Variants in GRIN2D observed in about 807,000 individuals in gnomAD.
The protein encoded by GRIN2D is glutamate ionotropic receptor NMDA type subunit 2D, also known as glutamate receptor ionotropic, NMDA 2D.
GRIN2D carries 37 observed loss-of-function variants against 103.2 expected under a neutral mutation model. The ratio of observed to expected loss-of-function variants is 0.36; its 90% confidence interval spans 0.28 to 0.47. The LOEUF (loss-of-function observed/expected upper bound fraction) is 0.47. Ranked by LOEUF, GRIN2D falls within the 20% of genes least tolerant of loss-of-function variation. The pLI is 1.00. For missense variants in GRIN2D, 1,557 were observed against 1,910.6 expected (o/e 0.81, Z 3.45); for synonymous variants, 845 against 885.6 (o/e 0.95, Z 0.81).
intron 11 of GRIN2D, among the ~76,000 whole-genome samples, chr19:48,428,193 C>T (rs1303140023): frequency 1.5e-4 from 23 of 151,664 alleles, no homozygotes; most frequent in African/African-American, 4.1e-4. Context: ...TCCGCCACCA[C>T]GCCTGGCTAA....
intron 11 of GRIN2D, among the ~76,000 whole-genome samples, chr19:48,424,679 C>T (rs758609821): frequency 5.3e-5 from 8 of 152,108 alleles, no homozygotes; most frequent in Non-Finnish European, 7.4e-5. Context: ...TTTCCCCACA[C>T]GCTGTCTTTG....
chr19:48,427,875 T>G (rs1397794659), intron 11 of GRIN2D, among the ~76,000 whole-genome samples: 4 of 152,144 alleles, frequency 2.6e-5, no homozygotes, highest in Non-Finnish European at 4.4e-5. Flanking sequence ...AAAAAATTAA[T>G]CAAATCAATG....
chr19:48,429,750 G>T (rs150434412), intron 11 of GRIN2D, among the ~76,000 whole-genome samples: 71 of 149,774 alleles, frequency 4.7e-4, no homozygotes, highest in African/African-American at 1.8e-3. Flanking sequence ...TAGAGATGGG[G>T]TTCTCACTAT....
chr19:48,422,820 A>T (rs1971039698), intron 11 of GRIN2D, among the ~76,000 whole-genome samples: 1 of 152,062 alleles, frequency 6.6e-6, no homozygotes, highest in Non-Finnish European at 1.5e-5. Flanking sequence ...GGCCAGGCGC[A>T]GTAGCTCACG....
rs534824768 is a variant in GRIN2D, at chr19:48,407,664, T to C, written c.1085+2311T>C. Among the ~76,000 whole-genome samples the C allele has an allele frequency of 1.4e-3, 219 of 152,282 alleles. 2 individuals carry two copies. The highest frequency in any genetic ancestry group is 2.6e-3 in the Non-Finnish European group (177 of 68,030). On this transcript the variant is annotated intron_variant, in intron 4 of 13. Transcript: ENST00000263269. The stretch of plus-strand genomic sequence containing the variant: ...AAGTCTGCTATGTGCCAAGCATTGC[T>C]TTAGGCACAGGGTGTATATAGTGTT...
At position 48,404,629 on chromosome 19, in the gene GRIN2D, C is replaced by T. The variant is rs1970759884; in HGVS notation, c.466-105C>T. On this transcript the variant is annotated intron_variant, in intron 3 of 13. Transcript: ENST00000263269. The stretch of plus-strand genomic sequence containing the variant: ...GGAAAAGGAGATGGGTTTAGTGAAC[C>T]TGTCGAGTCAGTCTGCCATATTGGG... 5 of 1,146,556 alleles carry T rather than the reference C, an allele frequency of 4.4e-6. No individual in the cohort carries two copies. The Admixed American group carries it at 1.3e-4, about 29-fold the overall frequency. The allele number at this position is 1,146,556 out of a possible 1,614,324, so 71.0% of individuals were successfully genotyped here.
At position 48,442,348 on chromosome 19, in the gene GRIN2D, C is replaced by T. The variant is rs1569074559; in HGVS notation, c.2639C>T (p.Thr880Ile). Residue 880 changes from threonine (T) to isoleucine (I), a missense_variant, in exon 13 of 14, where the codon ACC becomes ATC. Thr to Ile is a moderately conservative substitution (Grantham distance 89, BLOSUM62 -1). Transcript: ENST00000263269. The surrounding 1 kb of genome is among the most constrained non-coding windows in gnomAD (Gnocchi z 7.2). ...CGCCTGCGGCACTGCCTGGGGCCCA[C>T]CCACCGCATGGACTTCCTGCTGGCC... ...YWRLRHCLGP[T>I]HRMDFLLAFS... 6.2e-7 allele frequency: 1 copy of T among 1,613,162 alleles called. No homozygotes were observed. The highest frequency in any genetic ancestry group is 1.1e-5 in the South Asian group (1 of 91,068).
chr19:48,406,005 C>T (rs1449058655), intron 4 of GRIN2D, among the ~76,000 whole-genome samples: 1 of 152,170 alleles, frequency 6.6e-6, no homozygotes, highest in Non-Finnish European at 1.5e-5. Flanking sequence ...AAGGACACGC[C>T]TCATACCTTA....
intron 3 of GRIN2D, among the ~76,000 whole-genome samples, chr19:48,403,198 CAAAAAAAAAA>C (rs145115482): frequency 1.1e-5 from 1 of 91,318 alleles, no homozygotes. Context: ...GACTCTGTCT[CAAAAAAAAAA>C]AAAAAAAAAA....
intron 4 of GRIN2D, among the ~76,000 whole-genome samples, chr19:48,412,962 C>A (rs1333788798): frequency 7.1e-6 from 1 of 141,144 alleles, no homozygotes; most frequent in African/African-American, 2.6e-5. Context: ...ATGGTGAAAC[C>A]CCATCTCTAC....
intron 11 of GRIN2D, among the ~76,000 whole-genome samples, chr19:48,438,588 G>A (rs943626797): frequency 2.0e-5 from 3 of 151,402 alleles, no homozygotes; most frequent in Non-Finnish European, 4.4e-5. Flanking sequence ...ATTAGCCACC[G>A]TGCCCGGCCT....
intron 11 of GRIN2D, among the ~76,000 whole-genome samples, chr19:48,428,493 G>C (rs2147463828): frequency 6.6e-6 from 1 of 151,896 alleles, no homozygotes; most frequent in South Asian, 2.1e-4. Context: ...CCCTCCTGTA[G>C]CTGAGATTAC....
chr19:48,409,763 A>G (rs1168305215), intron 4 of GRIN2D, among the ~76,000 whole-genome samples: 2 of 151,966 alleles, frequency 1.3e-5, no homozygotes, highest in Admixed American at 6.6e-5. Flanking sequence ...GCCAGGGGGC[A>G]GGGGTTTGGA....
chr19:48,441,382 A>G (rs1799267), intron 11 of GRIN2D, among the ~76,000 whole-genome samples: 73,248 of 105,652 alleles, frequency 0.69, 27,130 homozygotes, highest in Non-Finnish European at 0.81. Context: ...AAAAAAAAAA[A>G]AAAGAAAGAA....
chr19:48,398,508 G>A lies in GRIN2D; in HGVS notation c.116G>A (p.Gly39Asp). ...GAGGCGCCGGGGCCGGGCGGGGCCGGTGGGCCCGGCGGCGGCCTCGGCGGG... is the reference window on the plus strand; with the variant it reads ...GAGGCGCCGGGGCCGGGCGGGGCCGATGGGCCCGGCGGCGGCCTCGGCGGG... ...PEEAPGPGGA[G>D]GPGGGLGGAR... Residue 39 changes from glycine (G) to aspartate (D), a missense_variant, in exon 3 of 14, where the codon GGT (glycine) becomes GAT (aspartate). Gly to Asp is a moderately conservative substitution (Grantham distance 94, BLOSUM62 -1). Transcript: ENST00000263269. 4.9e-6 allele frequency: 5 copies of A among 1,012,352 alleles called. No homozygotes were observed. The highest frequency in any genetic ancestry group is 5.9e-6 in the Non-Finnish European group (5 of 849,628). 62.7% of individuals were successfully genotyped at this position (1,012,352 alleles called of 1,614,324 possible).
chr19:48,408,833 A>T (rs538501654), intron 4 of GRIN2D, among the ~76,000 whole-genome samples: 1 of 150,706 alleles, frequency 6.6e-6, no homozygotes, highest in Non-Finnish European at 1.5e-5. Context: ...AAAAAAAAAA[A>T]AGAGAGAAAG....
chr19:48,443,991 G>T lies in GRIN2D; in HGVS notation c.*54G>T. ...TGGTCAGCGCAGGCCACGGCCCGAG[G>T]GGGCGCCCGCAGTGGACAGGACCCG... is the stretch of plus-strand genomic sequence containing the variant. On this transcript the variant is annotated 3_prime_UTR_variant, in exon 14 of 14. Transcript: ENST00000263269. This position sits in a 1 kb window ranked among gnomAD's most constrained non-coding sequence, Gnocchi z 8.9. 1 of 1,218,038 alleles carries T rather than the reference G, an allele frequency of 8.2e-7. No homozygotes were observed. Among genetic ancestry groups the T allele is most frequent in the Admixed American group, 4.0e-5 (1 of 24,766 alleles). The allele number at this position is 1,218,038 out of a possible 1,614,324, so 75.5% of individuals were successfully genotyped here.
At chr19:48,412,776 C>G (rs1347514594) in intron 4 of GRIN2D, among the ~76,000 whole-genome samples, 1 of 142,026 alleles carries the variant, frequency 7.0e-6, no homozygotes, top group East Asian at 2.1e-4. Context: ...GCAACAAGAG[C>G]AAAACTCTGT....
Position 48,394,511 on chromosome 19 carries a change from G to A in GRIN2D, c.-305-147G>A, listed in dbSNP as rs1327429659. Reference sequence around the variant, plus strand: ...GGTGCGAGTGAGCCAGGGAGAGGCGGGACTGGACACATGGAAAGGGGGGAG... The same window carrying A: ...GGTGCGAGTGAGCCAGGGAGAGGCGAGACTGGACACATGGAAAGGGGGGAG... On this transcript the variant is annotated intron_variant, in intron 1 of 13. Coordinates refer to ENST00000263269, the MANE Select transcript of GRIN2D (RefSeq NM_000836.4). This position sits in a 1 kb window ranked among gnomAD's most constrained non-coding sequence, Gnocchi z 5.1. 6.7e-6 allele frequency among the ~76,000 whole-genome samples: 1 copy of A among 148,378 alleles called. No homozygotes were observed. The highest frequency in any genetic ancestry group is 1.5e-5 in the Non-Finnish European group (1 of 66,958).
Sources: allele counts gnomAD v4.1 joint callset (sites outside exome capture counted in the v4.1 genomes callset), GRCh38; gene constraint gnomAD v4.1.1; non-coding constraint Gnocchi (gnomAD v3.1); transcripts MANE v1.5; gene names NCBI Gene and HGNC (gene_info 2026-07-23, HGNC 2026-07-21).